Variants in CDK14 observed in about 807,000 individuals in gnomAD.
CDK14 encodes cyclin dependent kinase 14.
Under a neutral mutation model 60.7 loss-of-function variants are expected in CDK14, and 34 were observed. The ratio of observed to expected loss-of-function variants is 0.56; its 90% CI spans 0.43 to 0.75. The LOEUF (loss-of-function observed/expected upper bound fraction) is 0.75. Ranked by LOEUF, CDK14 falls within the 30% of genes least tolerant of loss-of-function variation. The pLI is 0.00. For synonymous variants in CDK14, 197 were observed against 203.7 expected (o/e 0.97, Z 0.28); for missense variants, 482 against 564.1 (o/e 0.85, Z 1.47).
intron 6 of CDK14, among the ~76,000 whole-genome samples, chr7:90,871,391 G>T (rs979324764): frequency 6.6e-6 from 1 of 152,104 alleles, no homozygotes; most frequent in Non-Finnish European, 1.5e-5. Flanking sequence ...TGGTGTATGG[G>T]AGTATGCACA....
In CDK14 at chr7:90,783,875, G is replaced by A. The variant is rs182638314; in HGVS notation, c.465-6698G>A. ...GCTATAGAGAATACTGTGGAGGAGC[G>A]TCAAAAAACTAGAACTACCATATCA... On this transcript the variant is annotated intron_variant, in intron 4 of 14. Coordinates refer to ENST00000380050, the MANE Select transcript of CDK14 (RefSeq NM_001287135.2). Among the ~76,000 whole-genome samples the A allele has an allele frequency of 7.2e-5, 11 of 152,054 alleles. No homozygotes were observed. In the East Asian group the frequency reaches 1.4e-3, roughly 19 times the overall value.
intron 14 of CDK14, among the ~76,000 whole-genome samples, chr7:91,119,210 G>A (rs887952326): frequency 2.6e-5 from 4 of 152,170 alleles, no homozygotes; most frequent in Non-Finnish European, 5.9e-5. Flanking sequence ...GCCAGACATG[G>A]TGGCACATAC....
At chr7:91,154,549 T>C (rs920583487) in intron 14 of CDK14, among the ~76,000 whole-genome samples, 1 of 152,116 alleles carries the variant, frequency 6.6e-6, no homozygotes, top group Non-Finnish European at 1.5e-5. Context: ...TAAGTGGATA[T>C]AGTATGCAGC....
At chr7:90,604,123 ACAC>A (rs1799371047) in intron 1 of CDK14, 92 bp from the exon 2 acceptor site, 3 of 764,194 alleles carry the variant, frequency 3.9e-6, no homozygotes, top group Non-Finnish European at 6.2e-6. Flanking sequence ...TGAAATGAAA[ACAC>A]CATACTGCCT....
intron 14 of CDK14, among the ~76,000 whole-genome samples, chr7:91,145,912 G>GT (rs888934189): frequency 1.7e-5 from 2 of 119,426 alleles, no homozygotes; most frequent in African/African-American, 6.1e-5. Context: ...GGATTAACCT[G>GT]GCTTGCTTTA....
chr7:90,955,313 C>T (rs1239164176), intron 8 of CDK14, among the ~76,000 whole-genome samples: 1 of 152,120 alleles, frequency 6.6e-6, no homozygotes, highest in Non-Finnish European at 1.5e-5. Flanking sequence ...TTTAAGGATT[C>T]TTTAAGTTTC....
intron 10 of CDK14, among the ~76,000 whole-genome samples, chr7:91,033,785 C>T (rs75067220): frequency 0.046 from 7,071 of 152,278 alleles, 202 homozygotes; most frequent in East Asian, 0.095. Flanking sequence ...CGTACATTTC[C>T]ACTGCTGTGG....
rs372389047 is a variant in CDK14 at position 90,776,919 on chromosome 7, C to T, written c.465-13654C>T. On this transcript the variant is annotated intron_variant, in intron 4 of 14. Transcript: ENST00000380050. ...GAACCGAAGGAAATGGTGTGACATT[C>T]CCCTTGCACGCTCTTCTTGTTCCCC... 2.6e-5 allele frequency among the ~76,000 whole-genome samples: 4 copies of T among 152,162 alleles called. No individual in the cohort carries two copies. The South Asian group carries it at 8.3e-4, about 32-fold the overall frequency.
intron 4 of CDK14, among the ~76,000 whole-genome samples, chr7:90,769,641 A>G (rs779179501): frequency 4.6e-5 from 7 of 151,870 alleles, no homozygotes; most frequent in African/African-American, 1.7e-4. Context: ...TAATTTTTGT[A>G]TTTTTAGTAG....
chr7:91,103,838 GAGAGAA>G (rs1171268792), intron 12 of CDK14, among the ~76,000 whole-genome samples: 29 of 151,736 alleles, frequency 1.9e-4, no homozygotes, highest in African/African-American at 4.4e-4. Context: ...GAGAGAGAGA[GAGAGAA>G]AGAGAGAGAG....
At chr7:90,969,532 A>T (rs1034084172) in intron 9 of CDK14, among the ~76,000 whole-genome samples, 6 of 152,202 alleles carry the variant, frequency 3.9e-5, no homozygotes, top group African/African-American at 1.4e-4. Flanking sequence ...GGATTAATAC[A>T]TTTGCAGAGA....
intron 2 of CDK14, among the ~76,000 whole-genome samples, chr7:90,608,737 TTTTATG>T (rs1799473142): frequency 1.3e-5 from 2 of 152,354 alleles, no homozygotes; most frequent in South Asian, 4.1e-4. Flanking sequence ...TGGTGAGTTA[TTTTATG>T]TTTGTGAAGT....
At chr7:90,750,169 C>T (rs1371095942) in intron 4 of CDK14, among the ~76,000 whole-genome samples, 1 of 149,944 alleles carries the variant, frequency 6.7e-6, no homozygotes, top group Non-Finnish European at 1.5e-5. Flanking sequence ...CACACACACA[C>T]ACACACACAC....
chr7:90,849,183 C>T (rs1426408182), intron 5 of CDK14, among the ~76,000 whole-genome samples: 1 of 152,086 alleles, frequency 6.6e-6, no homozygotes, highest in African/African-American at 2.4e-5. Flanking sequence ...CACTTCACAT[C>T]TGGTTGTTTA....
At chr7:90,663,220 A>T (rs539494237) in intron 2 of CDK14, among the ~76,000 whole-genome samples, 1 of 151,946 alleles carries the variant, frequency 6.6e-6, no homozygotes, top group East Asian at 1.9e-4. Context: ...ATTACACTTC[A>T]CTTCATGTGT....
At chr7:90,722,616 T>TG (rs1802497543) in intron 2 of CDK14, among the ~76,000 whole-genome samples, 1 of 10,844 alleles carries the variant, frequency 9.2e-5, no homozygotes, top group African/African-American at 3.2e-4. Context: ...AGAACCTTGT[T>TG]AAATTTTTTT....
chr7:91,118,702 C>T lies in CDK14; in HGVS notation c.*28+494C>T, dbSNP rs538889340. On this transcript the variant is annotated intron_variant, in intron 14 of 14. Transcript: ENST00000380050. ...GTGTTTGCGTGTAACTGAATCATTGCTGCCTCCTTTGGAGGGGATGTAGAC... is the reference window on the plus strand; with the variant it reads ...GTGTTTGCGTGTAACTGAATCATTGTTGCCTCCTTTGGAGGGGATGTAGAC... Among the ~76,000 whole-genome samples the T allele has an allele frequency of 1.4e-4, 22 of 152,364 alleles. No homozygotes were observed. In the East Asian group the frequency reaches 3.9e-3, roughly 27 times the overall value.
intron 6 of CDK14, among the ~76,000 whole-genome samples, chr7:90,889,179 TAAGAATTAACTCCTAC>T (rs990417563): frequency 1.3e-5 from 2 of 152,228 alleles, no homozygotes; most frequent in African/African-American, 4.8e-5. Flanking sequence ...TGTTTGGTTT[TAAGAATTAACTCCTAC>T]AAGATTGAAA....
At chr7:90,989,724 G>T (rs865959689) in intron 10 of CDK14, among the ~76,000 whole-genome samples, 2 of 152,010 alleles carry the variant, frequency 1.3e-5, no homozygotes, top group Admixed American at 6.6e-5. Context: ...TTTTCTACCC[G>T]CCCTCACCCA....
Sources: gnomAD v4.1 joint callset for allele counts (sites outside exome capture counted in the v4.1 genomes callset) on GRCh38, gnomAD v4.1.1 for gene constraint, MANE v1.5 for transcripts, NCBI Gene and HGNC (gene_info 2026-07-23, HGNC 2026-07-21) for gene names.